The following FRYL variants were observed in gnomAD, a reference collection of about 807,000 sequenced individuals.
FRYL encodes the protein FRY like transcription coactivator.
Under a neutral mutation model 351.2 loss-of-function variants are expected in FRYL, and 150 were observed. The observed-to-expected ratio is 0.43, with a 90% CI of 0.37 to 0.49. The LOEUF (loss-of-function observed/expected upper bound fraction) is 0.49. FRYL is among the 20% of genes least tolerant of loss of function. The probability of loss-of-function intolerance (pLI) is 0.00; values close to 1 mark genes in which losing one functional copy is unlikely to be tolerated. For missense variants in FRYL, 3,036 were observed against 3,619.3 expected (o/e 0.84, Z 4.13); for synonymous variants, 1,153 against 1,257.1 (o/e 0.92, Z 1.75).
In FRYL at chr4:48,581,603, A is replaced by G. The variant is rs1740912779; in HGVS notation, c.1989T>C (p.His663=). ...QMHNKNQDTQ[H]GVANGASHPP... ...GATGAGAAGCTCCATTAGCTACACCATGCTTGAAAAACAGAAGTTAAAAAC... is the reference window on the plus strand; with the variant it reads ...GATGAGAAGCTCCATTAGCTACACCGTGCTTGAAAAACAGAAGTTAAAAAC... The change falls in exon 21 of 64, where the codon CAT becomes CAC. Residue 663 remains histidine, a splice_region_variant and synonymous_variant. Coordinates refer to ENST00000358350, the MANE Select transcript of FRYL (RefSeq NM_015030.2). 3.2e-6 allele frequency: 5 copies of G among 1,582,540 alleles called. No individual in the cohort carries two copies. In the Admixed American group the frequency reaches 5.8e-5, roughly 18 times the overall value.
At chr4:48,609,239 T>C (rs1747528558) in intron 8 of FRYL, among the ~76,000 whole-genome samples, 172 bp from the exon 9 acceptor site, 1 of 152,218 alleles carries the variant, frequency 6.6e-6, no homozygotes, top group Admixed American at 6.5e-5. Context: ...CTTTACTATA[T>C]TTAACCTTCT....
At chr4:48,663,971 G>A (rs1761289098) in intron 3 of FRYL, among the ~76,000 whole-genome samples, 1 of 152,136 alleles carries the variant, frequency 6.6e-6, no homozygotes, top group Non-Finnish European at 1.5e-5. Context: ...GCCTGAGATA[G>A]GGTGGTCAGG....
intron 3 of FRYL, among the ~76,000 whole-genome samples, chr4:48,647,237 G>A (rs151207007): frequency 6.6e-6 from 1 of 152,264 alleles, no homozygotes; most frequent in East Asian, 1.9e-4. Flanking sequence ...AACTAGGGAT[G>A]TCCCAAACTC....
intron 3 of FRYL, among the ~76,000 whole-genome samples, chr4:48,663,738 G>A (rs1424624541): frequency 1.5e-5 from 2 of 129,260 alleles, no homozygotes; most frequent in Non-Finnish European, 3.1e-5. Context: ...TCGCGCCACT[G>A]CACTGCAGCC....
At chr4:48,528,725 T>G (rs1414814712) in intron 50 of FRYL, among the ~76,000 whole-genome samples, 1 of 152,148 alleles carries the variant, frequency 6.6e-6, no homozygotes, top group Non-Finnish European at 1.5e-5. Context: ...AGACTTAATA[T>G]TTGTTAAATT....
chr4:48,687,509 A>AGGGGGGG (rs1560861203), intron 2 of FRYL, among the ~76,000 whole-genome samples: 1 of 9,810 alleles, frequency 1.0e-4, no homozygotes, highest in Non-Finnish European at 2.1e-4. Context: ...GGGGGGGGTG[A>AGGGGGGG]GGGGGGAGGG....
intron 1 of FRYL, among the ~76,000 whole-genome samples, chr4:48,727,837 T>C (rs914928940): frequency 6.6e-6 from 1 of 152,128 alleles, no homozygotes; most frequent in Non-Finnish European, 1.5e-5. Flanking sequence ...AAGAAATACC[T>C]AACTCTAGGC....
intron 1 of FRYL, among the ~76,000 whole-genome samples, chr4:48,713,795 CA>C (rs1204759733): frequency 6.6e-6 from 1 of 152,172 alleles, no homozygotes; most frequent in Non-Finnish European, 1.5e-5. Flanking sequence ...CAGAACTCTC[CA>C]CCCCAAATCA....
intron 24 of FRYL, 41 bp from the exon 25 acceptor site, chr4:48,575,282 A>G (rs1333862948): frequency 6.3e-7 from 1 of 1,593,304 alleles, no homozygotes; most frequent in Admixed American, 1.7e-5. Flanking sequence ...CACTAATGAT[A>G]CTATGTCCAA....
At chr4:48,747,039 G>A (rs1772757155) in intron 1 of FRYL, among the ~76,000 whole-genome samples, 1 of 152,134 alleles carries the variant, frequency 6.6e-6, no homozygotes, top group African/African-American at 2.4e-5. Flanking sequence ...TGATACTGAG[G>A]ACAGGCCAAT....
chr4:48,763,136 G>C (rs1414565417), intron 1 of FRYL, among the ~76,000 whole-genome samples: 1 of 143,620 alleles, frequency 7.0e-6, no homozygotes, highest in Admixed American at 7.1e-5. Context: ...AAAAGATATG[G>C]TTTCAGAAAT....
At chr4:48,617,583 G>GTCTTTTTTTT (rs1578374298) in intron 7 of FRYL, 1 of 151,754 alleles carries the variant, frequency 6.6e-6, no homozygotes, top group South Asian at 2.1e-4. Flanking sequence ...ATGTTTATAG[G>GTCTTTTTTTT]TCTTTTTTTT....
At chr4:48,728,806 A>G (rs781487348) in intron 1 of FRYL, among the ~76,000 whole-genome samples, 5 of 152,212 alleles carry the variant, frequency 3.3e-5, no homozygotes, top group Non-Finnish European at 5.9e-5. Flanking sequence ...AGCAAGATCA[A>G]CGCAGAAGAT....
intron 1 of FRYL, among the ~76,000 whole-genome samples, chr4:48,754,953 T>A (rs1773628013): frequency 6.6e-6 from 1 of 152,208 alleles, no homozygotes; most frequent in Non-Finnish European, 1.5e-5. Flanking sequence ...TGAATCGTTT[T>A]CAATTGTGAC....
intron 3 of FRYL, among the ~76,000 whole-genome samples, chr4:48,675,518 A>C (rs554097283): frequency 1.1e-3 from 175 of 152,356 alleles, no homozygotes; most frequent in African/African-American, 4.1e-3. Flanking sequence ...TGGGTCCCCC[A>C]GCAGTGCCAG....
chr4:48,542,002 T>C (rs753347486), intron 45 of FRYL, 25 bp downstream of exon 45: 2 of 1,504,456 alleles, frequency 1.3e-6, no homozygotes, highest in Non-Finnish European at 9.3e-7. Flanking sequence ...CTCTCTATAT[T>C]AGGTTGCCTG....
chr4:48,695,917 T>C (rs1325990580), intron 2 of FRYL, among the ~76,000 whole-genome samples: 2 of 152,120 alleles, frequency 1.3e-5, no homozygotes, highest in African/African-American at 4.8e-5. Context: ...CCAACAAATA[T>C]ATGAAAAACA....
intron 3 of FRYL, among the ~76,000 whole-genome samples, chr4:48,669,559 G>A (rs903339762): frequency 1.3e-5 from 2 of 148,910 alleles, no homozygotes; most frequent in Admixed American, 6.7e-5. Context: ...AATATTATAA[G>A]GGTATATATA....
At chr4:48,671,858 C>CAAAAAAAAAAAAA (rs1226492542) in intron 3 of FRYL, among the ~76,000 whole-genome samples, 15 of 22,392 alleles carry the variant, frequency 6.7e-4, no homozygotes, top group South Asian at 2.4e-3. Flanking sequence ...GTCTCAAAAA[C>CAAAAAAAAAAAAA]AAAAAAAAAA....
Sources: gnomAD v4.1 joint callset for allele counts (sites outside exome capture counted in the v4.1 genomes callset) on GRCh38, gnomAD v4.1.1 for gene constraint, MANE v1.5 for transcripts, NCBI Gene and HGNC (gene_info 2026-07-23, HGNC 2026-07-21) for gene names.